AGBL1: variants seen among roughly 807,000 people sequenced by gnomAD.
AGBL1 encodes the protein AGBL carboxypeptidase 1.
Under a neutral mutation model 118.9 loss-of-function variants are expected in AGBL1, and 130 were observed. The ratio of observed to expected loss-of-function variants is 1.09; its 90% CI spans 0.95 to 1.26. AGBL1 has a LOEUF of 1.26. Ranked by LOEUF, AGBL1 falls within the 50% of genes most tolerant of loss-of-function variation. The probability of loss-of-function intolerance (pLI) is 0.00; values close to 1 mark genes in which losing one functional copy is unlikely to be tolerated. For missense variants in AGBL1, 1,584 were observed against 1,298.1 expected, an observed-to-expected ratio of 1.22 and a Z score of -3.38; for synonymous variants, 555 against 478.9, an observed-to-expected ratio of 1.16 and a Z score of -2.08.
At chr15:86,171,185 T>C (rs904720411) in intron 5 of AGBL1, among the ~76,000 whole-genome samples, 1 of 152,230 alleles carries the variant, frequency 6.6e-6, no homozygotes, top group Non-Finnish European at 1.5e-5. Flanking sequence ...AGTGGAAAGA[T>C]GTATCTATTC....
At chr15:86,700,699 C>T (rs2086342903) in intron 22 of AGBL1, among the ~76,000 whole-genome samples, 1 of 152,060 alleles carries the variant, frequency 6.6e-6, no homozygotes. Context: ...AGGATTTTTG[C>T]TGCCTTGTGT....
intron 22 of AGBL1, among the ~76,000 whole-genome samples, chr15:86,869,897 T>A (rs1337079116): frequency 6.6e-6 from 1 of 152,210 alleles, no homozygotes; most frequent in Non-Finnish European, 1.5e-5. Context: ...GAGACAAGCA[T>A]CATTTTGTTA....
rs74026965 is a variant in AGBL1, at chr15:86,598,154, G to A, written c.2994+43617G>A. 3.3e-3 allele frequency among the ~76,000 whole-genome samples: 505 copies of A among 152,202 alleles called. 1 individual carries two copies. The highest frequency in any genetic ancestry group is 0.012 in the African/African-American group (482 of 41,542). On this transcript the variant is annotated intron_variant, in intron 21 of 22. Coordinates refer to ENST00000614907, the MANE Select transcript of AGBL1 (RefSeq NM_001386094.1). ...AAGGCCATGGTTTCAGATATTCACTGCTAGAGGATTGTCACCATAGTCAAC... is the reference window on the plus strand; with the variant it reads ...AAGGCCATGGTTTCAGATATTCACTACTAGAGGATTGTCACCATAGTCAAC...
intron 7 of AGBL1, among the ~76,000 whole-genome samples, chr15:86,254,065 C>G (rs968605447): frequency 2.0e-5 from 3 of 152,114 alleles, no homozygotes; most frequent in African/African-American, 7.2e-5. Flanking sequence ...AATTTAAACC[C>G]AGGACTTTAT....
intron 24 of AGBL1, among the ~76,000 whole-genome samples, chr15:87,006,694 C>T (rs2081508218): frequency 6.6e-6 from 1 of 152,170 alleles, no homozygotes. Context: ...ACTGCACCCA[C>T]TGTCCAACAA....
rs575112644 is a variant in AGBL1 at position 86,817,672 on chromosome 15, G to C, written c.3159-89415G>C. On this transcript the variant is annotated intron_variant, in intron 22 of 22. Transcript: ENST00000614907. The stretch of plus-strand genomic sequence containing the variant: ...AGACACACACACACACACACAGAAA[G>C]AGACAGGAGAGAGAGTGCTGGGAGA... 8.9e-4 allele frequency among the ~76,000 whole-genome samples: 135 copies of C among 151,256 alleles called. 1 individual carries two copies. Among genetic ancestry groups the C allele is most frequent in the African/African-American group, 3.2e-3 (131 of 41,280 alleles).
intron 22 of AGBL1, among the ~76,000 whole-genome samples, chr15:86,836,002 G>A (rs1567199015): frequency 6.6e-6 from 1 of 152,126 alleles, no homozygotes; most frequent in Admixed American, 6.5e-5. Flanking sequence ...TATTGAACAA[G>A]AACATGCTGC....
chr15:86,154,960 C>T (rs1045516788), intron 4 of AGBL1, among the ~76,000 whole-genome samples: 1 of 152,224 alleles, frequency 6.6e-6, no homozygotes, highest in South Asian at 2.1e-4. Flanking sequence ...ACAAATCTCC[C>T]TACCATATTC....
intron 23 of AGBL1, among the ~76,000 whole-genome samples, chr15:86,952,221 T>C (rs1263623703): frequency 6.6e-6 from 1 of 150,626 alleles, no homozygotes. Context: ...AGAGCAAAAC[T>C]CTGTCTCAAA....
intron 17 of AGBL1, among the ~76,000 whole-genome samples, chr15:86,393,255 G>A (rs1292448957): frequency 6.6e-6 from 1 of 152,170 alleles, no homozygotes; most frequent in East Asian, 1.9e-4. Context: ...ATGTCTCTCT[G>A]TTAGAGCTTG....
intron 22 of AGBL1, among the ~76,000 whole-genome samples, chr15:86,809,005 T>C (rs982477193): frequency 6.6e-6 from 1 of 152,212 alleles, no homozygotes; most frequent in African/African-American, 2.4e-5. Context: ...ATGGTTTCTT[T>C]CGTAAAGTAC....
chr15:86,123,869 T>C (rs1332363526), intron 1 of AGBL1, among the ~76,000 whole-genome samples: 1 of 152,152 alleles, frequency 6.6e-6, no homozygotes, highest in Admixed American at 6.5e-5. Flanking sequence ...TTTGCAGTGT[T>C]TGACTCTTTT....
intron 23 of AGBL1, among the ~76,000 whole-genome samples, chr15:86,970,644 A>C (rs979148376): frequency 1.3e-5 from 2 of 151,990 alleles, no homozygotes; most frequent in African/African-American, 4.8e-5. Flanking sequence ...CAGAAGCAAT[A>C]TGTGATAGCC....
intron 22 of AGBL1, among the ~76,000 whole-genome samples, chr15:86,705,909 A>G (rs1468621198): frequency 6.6e-6 from 1 of 152,126 alleles, no homozygotes; most frequent in Non-Finnish European, 1.5e-5. Flanking sequence ...ACATGGTGTT[A>G]TATGTGGAGA....
exon 25 of AGBL1, chr15:87,028,896 C>G (rs2141816690): frequency 6.4e-7 from 1 of 1,552,688 alleles, no homozygotes; most frequent in East Asian, 2.3e-5. Context: ...CCCAGCTCCT[C>G]CTGGATCTGT....
At chr15:86,433,266 C>CTTTTTT (rs59417397) in intron 18 of AGBL1, among the ~76,000 whole-genome samples, 5,022 of 74,508 alleles carry the variant, frequency 0.067, 974 homozygotes, top group East Asian at 0.13. Flanking sequence ...CCTCCTTCTT[C>CTTTTTT]TTTTTTTTTT....
chr15:86,505,220 T>A (rs1292483628), intron 18 of AGBL1, among the ~76,000 whole-genome samples: 2 of 151,950 alleles, frequency 1.3e-5, no homozygotes, highest in African/African-American at 4.8e-5. Context: ...TTATTACATG[T>A]CTAGGTGTGG....
In AGBL1 at chr15:86,838,494, G is replaced by A. The variant is rs139095620; in HGVS notation, c.3159-68593G>A. On this transcript the variant is annotated intron_variant, in intron 22 of 22. Coordinates refer to ENST00000614907, the MANE Select transcript of AGBL1 (RefSeq NM_001386094.1). ...GGAAAATATATGGCCCAGGAATAAC[G>A]TTTGACTGTCTGTCCGTGGTGACAT... is the stretch of plus-strand genomic sequence containing the variant. Among the ~76,000 whole-genome samples the A allele has an allele frequency of 5.1e-3, 783 of 152,194 alleles. 4 individuals are homozygous for A. Among genetic ancestry groups the A allele is most frequent in the Middle Eastern group, 0.014 (4 of 294 alleles).
chr15:86,127,064 C>T (rs1343298661), intron 1 of AGBL1, among the ~76,000 whole-genome samples: 2 of 152,158 alleles, frequency 1.3e-5, no homozygotes, highest in East Asian at 1.9e-4. Flanking sequence ...AATCTCTCTT[C>T]ATAGAAACTT....
Sources: allele counts gnomAD v4.1 joint callset (sites outside exome capture counted in the v4.1 genomes callset), GRCh38; gene constraint gnomAD v4.1.1; transcripts MANE v1.5; gene names NCBI Gene and HGNC (gene_info 2026-07-23, HGNC 2026-07-21).